Variants in PIGK observed in about 807,000 individuals in gnomAD.
PIGK encodes the protein GPI-anchor transamidase.
In PIGK, 42 loss-of-function variants were observed where a neutral mutation model predicts 50.6. The ratio of observed to expected loss-of-function variants is 0.83; its 90% CI spans 0.65 to 1.07. The LOEUF (loss-of-function observed/expected upper bound fraction) is 1.07. Among genes scored for constraint, PIGK ranks in the 50% least tolerant of loss-of-function variants. The pLI, the probability that PIGK is intolerant of heterozygous loss-of-function variation, is 0.00. For missense variants in PIGK, 448 were observed against 488.7 expected (o/e 0.92, Z 0.78); for synonymous variants, 151 against 156.0 (o/e 0.97, Z 0.24).
At chr1:77,183,669 G>C (rs1230911805) in intron 3 of PIGK, among the ~76,000 whole-genome samples, 3 of 152,180 alleles carry the variant, frequency 2.0e-5, no homozygotes, top group Non-Finnish European at 4.4e-5. Context: ...TAAATTTATT[G>C]ACTTGGGCCC....
chr1:77,115,847 T>G (rs534969546), intron 10 of PIGK, among the ~76,000 whole-genome samples: 2 of 152,160 alleles, frequency 1.3e-5, no homozygotes, highest in Non-Finnish European at 1.5e-5. Context: ...ACCACCATCA[T>G]GTACAGTGTG....
chr1:77,117,628 T>C (rs971894446), intron 10 of PIGK, among the ~76,000 whole-genome samples: 3 of 152,340 alleles, frequency 2.0e-5, no homozygotes, highest in Non-Finnish European at 2.9e-5. Flanking sequence ...CTGGTTCTTA[T>C]AGGGCTCCTG....
chr1:77,123,872 C>T (rs1049296502), intron 9 of PIGK, among the ~76,000 whole-genome samples: 1 of 151,932 alleles, frequency 6.6e-6, no homozygotes, highest in Non-Finnish European at 1.5e-5. Context: ...ACCACCAGTA[C>T]CTTAGAACGT....
intron 9 of PIGK, among the ~76,000 whole-genome samples, chr1:77,131,420 G>C (rs1357097066): frequency 6.6e-6 from 1 of 151,836 alleles, no homozygotes; most frequent in Non-Finnish European, 1.5e-5. Flanking sequence ...CATTAGTTGA[G>C]ACTTTTTGTG....
intron 3 of PIGK, among the ~76,000 whole-genome samples, chr1:77,187,732 G>T (rs913299264): frequency 6.6e-6 from 1 of 152,208 alleles, no homozygotes; most frequent in African/African-American, 2.4e-5. Flanking sequence ...ATCCAGGCAG[G>T]AGTACAAATG....
chr1:77,161,163 T>A, intron 8 of PIGK, 132 bp downstream of exon 8: 1 of 619,836 alleles, frequency 1.6e-6, no homozygotes, highest in Non-Finnish European at 2.9e-6. Context: ...AAAAGGTAGA[T>A]ATCAAATAGT....
At chr1:77,193,245 ATGTGTGTGTGTGTGTG>A (rs56987496) in intron 3 of PIGK, among the ~76,000 whole-genome samples, 5 of 144,776 alleles carry the variant, frequency 3.5e-5, no homozygotes, top group East Asian at 2.0e-4. Context: ...TGGCATGAGA[ATGTGTGTGTGTGTGTG>A]TGTGTGTGTG....
intron 1 of PIGK, among the ~76,000 whole-genome samples, 175 bp downstream of exon 1, chr1:77,219,135 C>A (rs921702494): frequency 1.3e-5 from 2 of 152,222 alleles, no homozygotes; most frequent in African/African-American, 2.4e-5. Context: ...CGTTTTAAAA[C>A]GCTGAAACAG....
intron 9 of PIGK, among the ~76,000 whole-genome samples, chr1:77,153,381 G>A (rs1278863126): frequency 1.3e-5 from 2 of 151,892 alleles, no homozygotes; most frequent in East Asian, 3.9e-4. Context: ...AAGAGAAGTT[G>A]GTTAAGCAGT....
At chr1:77,141,276 T>A (rs1218171958) in intron 9 of PIGK, among the ~76,000 whole-genome samples, 2 of 152,158 alleles carry the variant, frequency 1.3e-5, no homozygotes, top group Admixed American at 1.3e-4. Context: ...ACATAGGTAT[T>A]CTGAGATCAT....
Position 77,122,263 on chromosome 1 carries a change from T to C in PIGK, c.1071+12A>G, listed in dbSNP as rs373446755. The C allele has an allele frequency of 6.6e-6, 10 of 1,505,760 alleles. No homozygotes were observed. The highest frequency in any genetic ancestry group is 9.2e-6 in the Non-Finnish European group (10 of 1,087,778). 93.3% of individuals were successfully genotyped at this position (1,505,760 alleles called of 1,614,324 possible). On this transcript the variant is annotated intron_variant, in intron 10 of 10. Transcript: ENST00000370812. Reference sequence around the variant, plus strand: ...TCTTGTTTCTTTCAAAAGAATAAAATGAAATGCAAACCTGGTGTATTATCT... The same window carrying C: ...TCTTGTTTCTTTCAAAAGAATAAAACGAAATGCAAACCTGGTGTATTATCT...
intron 10 of PIGK, among the ~76,000 whole-genome samples, chr1:77,110,702 A>G (rs1286056892): frequency 6.6e-6 from 1 of 152,234 alleles, no homozygotes; most frequent in Non-Finnish European, 1.5e-5. Flanking sequence ...AGGCATGGGC[A>G]AGGACTTCAC....
intron 6 of PIGK, 34 bp downstream of exon 6, chr1:77,163,812 T>C (rs1655178442): frequency 8.5e-7 from 1 of 1,178,706 alleles, no homozygotes; most frequent in Non-Finnish European, 1.3e-6. Context: ...TAGGTATGAA[T>C]ATAGCTTATG....
At chr1:77,120,074 A>C (rs546493925) in intron 10 of PIGK, among the ~76,000 whole-genome samples, 1 of 152,318 alleles carries the variant, frequency 6.6e-6, no homozygotes, top group South Asian at 2.1e-4. Context: ...AAAGTATAAG[A>C]TTATTTCTCA....
At chr1:77,180,260 G>C (rs1006518332) in intron 3 of PIGK, among the ~76,000 whole-genome samples, 3 of 152,006 alleles carry the variant, frequency 2.0e-5, no homozygotes, top group Non-Finnish European at 4.4e-5. Context: ...TACATAATAT[G>C]ACCTTCTCTC....
At chr1:77,152,744 CAGA>C (rs1313831677) in intron 9 of PIGK, among the ~76,000 whole-genome samples, 1 of 151,844 alleles carries the variant, frequency 6.6e-6, no homozygotes, top group East Asian at 1.9e-4. Context: ...AGACATTTCA[CAGA>C]AGAAGACAAC....
chr1:77,102,869 G>GTCT lies in PIGK; in HGVS notation c.1072-10382_1072-10380dup, dbSNP rs1029483350. ...TTTTTGTTTGTTTTATACCATCCTA[G>GTCT]TCTTCTTTAGTATATAAAATAAGGG... On this transcript the variant is annotated intron_variant, in intron 10 of 10. Transcript: ENST00000370812. Among the ~76,000 whole-genome samples the GTCT allele has an allele frequency of 2.6e-5, 4 of 152,026 alleles. No individual in the cohort carries two copies. In the East Asian group the frequency reaches 7.7e-4, roughly 29 times the overall value.
At chr1:77,118,065 T>G (rs566352158) in intron 10 of PIGK, among the ~76,000 whole-genome samples, 1 of 152,310 alleles carries the variant, frequency 6.6e-6, no homozygotes, top group South Asian at 2.1e-4. Flanking sequence ...AACATCAACA[T>G]GTTTTTTATC....
intron 2 of PIGK, among the ~76,000 whole-genome samples, chr1:77,209,512 TG>T (rs1482002552): frequency 3.3e-5 from 5 of 152,072 alleles, no homozygotes; most frequent in Non-Finnish European, 7.4e-5. Context: ...ATAGCTGACT[TG>T]AATTTAGAAA....
Sources: gnomAD v4.1 joint callset for allele counts (sites outside exome capture counted in the v4.1 genomes callset) on GRCh38, gnomAD v4.1.1 for gene constraint, MANE v1.5 for transcripts, NCBI Gene and HGNC (gene_info 2026-07-23, HGNC 2026-07-21) for gene names.